Variants in RALYL observed in about 807,000 individuals in gnomAD.
RALYL encodes the protein RALY RNA binding protein like.
A neutral mutation model predicts 35.1 loss-of-function variants in RALYL; 29 were observed. That is an observed-to-expected ratio of 0.83 (90% CI 0.61 to 1.13). The LOEUF (loss-of-function observed/expected upper bound fraction) is 1.13, where lower values mean the gene tolerates loss of function less well. Among genes scored for constraint, RALYL ranks in the 50% most tolerant of loss-of-function variants. RALYL has a pLI of 0.00. For missense variants in RALYL, 359 were observed against 360.4 expected, an observed-to-expected ratio of 1.00 and a Z score of 0.03; for synonymous variants, 120 against 127.6, an observed-to-expected ratio of 0.94 and a Z score of 0.40.
chr8:84,766,451 T>C (rs1297766091), intron 2 of RALYL, among the ~76,000 whole-genome samples: 1 of 151,594 alleles, frequency 6.6e-6, no homozygotes, highest in Non-Finnish European at 1.5e-5. Context: ...CCTAGCACTT[T>C]GGGAGGCCAA....
At chr8:84,396,349 A>G (rs1286277471) in intron 1 of RALYL, among the ~76,000 whole-genome samples, 3 of 152,126 alleles carry the variant, frequency 2.0e-5, no homozygotes, top group African/African-American at 2.4e-5. Flanking sequence ...ATAGTTCTTA[A>G]AAGATCATCA....
intron 2 of RALYL, among the ~76,000 whole-genome samples, chr8:84,595,917 A>G (rs1814420343): frequency 6.6e-6 from 1 of 152,046 alleles, no homozygotes; most frequent in Non-Finnish European, 1.5e-5. Context: ...AAGCCCTTCC[A>G]GAGGGCAAGG....
chr8:84,527,574 T>C (rs189610512), intron 1 of RALYL, among the ~76,000 whole-genome samples: 175 of 152,306 alleles, frequency 1.1e-3, no homozygotes, highest in South Asian at 1.9e-3. Flanking sequence ...GTATTACTGG[T>C]GTTGGCTTGG....
intron 2 of RALYL, among the ~76,000 whole-genome samples, chr8:84,729,296 A>T (rs1845645973): frequency 1.3e-5 from 2 of 152,062 alleles, no homozygotes; most frequent in African/African-American, 4.8e-5. Context: ...GGTGTATAAG[A>T]ATGCTTGTGA....
At chr8:84,206,587 T>C (rs536505636) in intron 1 of RALYL, among the ~76,000 whole-genome samples, 1 of 152,260 alleles carries the variant, frequency 6.6e-6, no homozygotes, top group South Asian at 2.1e-4. Context: ...GAGGTGTCTC[T>C]AGAAACAGTA....
chr8:84,820,710 T>C (rs1408257346), intron 4 of RALYL, among the ~76,000 whole-genome samples: 1 of 152,074 alleles, frequency 6.6e-6, no homozygotes, highest in Non-Finnish European at 1.5e-5. Context: ...CCTTTCCCCT[T>C]GCCCCCTGAC....
intron 2 of RALYL, among the ~76,000 whole-genome samples, chr8:84,592,678 T>C (rs1401742256): frequency 6.6e-6 from 1 of 152,162 alleles, no homozygotes; most frequent in African/African-American, 2.4e-5. Flanking sequence ...CCCACAATAG[T>C]ACATGGAACA....
intron 2 of RALYL, among the ~76,000 whole-genome samples, chr8:84,640,366 C>G (rs1826046668): frequency 1.3e-5 from 2 of 151,898 alleles, no homozygotes; most frequent in Non-Finnish European, 2.9e-5. Context: ...GAAAAACCTG[C>G]AATGTGACTG....
intron 1 of RALYL, among the ~76,000 whole-genome samples, chr8:84,383,398 C>G (rs921260057): frequency 2.0e-5 from 3 of 151,466 alleles, no homozygotes; most frequent in African/African-American, 7.3e-5. Context: ...ACTTTCCTTT[C>G]CACATAAATG....
intron 2 of RALYL, among the ~76,000 whole-genome samples, chr8:84,764,570 G>A (rs1813461406): frequency 6.6e-6 from 1 of 152,110 alleles, no homozygotes; most frequent in Non-Finnish European, 1.5e-5. Flanking sequence ...TTTCCACTTT[G>A]ATTTGCCCTT....
At chr8:84,595,190 T>C (rs1298858301) in intron 2 of RALYL, among the ~76,000 whole-genome samples, 1 of 152,154 alleles carries the variant, frequency 6.6e-6, no homozygotes, top group East Asian at 1.9e-4. Flanking sequence ...TCTGCCATGA[T>C]GTCTTTTATT....
chr8:84,312,633 A>G (rs932758706), intron 1 of RALYL, among the ~76,000 whole-genome samples: 1 of 152,204 alleles, frequency 6.6e-6, no homozygotes, highest in African/African-American at 2.4e-5. Flanking sequence ...TAAAGCTCTG[A>G]AATGATCTCT....
intron 1 of RALYL, among the ~76,000 whole-genome samples, chr8:84,248,017 A>G (rs1022011441): frequency 6.6e-6 from 1 of 152,188 alleles, no homozygotes; most frequent in Non-Finnish European, 1.5e-5. Flanking sequence ...GCTTAAGTTT[A>G]CTAAACTAAT....
At chr8:84,392,683 T>C (rs1042839765) in intron 1 of RALYL, among the ~76,000 whole-genome samples, 2 of 152,040 alleles carry the variant, frequency 1.3e-5, no homozygotes, top group African/African-American at 4.8e-5. Context: ...ACTGTGATAG[T>C]GGTTACAGGA....
chr8:84,910,242 T>G (rs1847278587), intron 8 of RALYL, among the ~76,000 whole-genome samples: 1 of 152,144 alleles, frequency 6.6e-6, no homozygotes, highest in African/African-American at 2.4e-5. Flanking sequence ...ATGGCATGGT[T>G]CTATTTGTAC....
chr8:84,861,470 A>T (rs565059164), intron 5 of RALYL, among the ~76,000 whole-genome samples: 204 of 152,300 alleles, frequency 1.3e-3, no homozygotes, highest in Non-Finnish European at 2.6e-3. Context: ...ATGGAAATTA[A>T]TTGATTGTGG....
intron 2 of RALYL, among the ~76,000 whole-genome samples, chr8:84,550,938 T>A (rs999085218): frequency 2.6e-5 from 4 of 152,014 alleles, no homozygotes; most frequent in Non-Finnish European, 5.9e-5. Flanking sequence ...TCTATAACCA[T>A]TACCCAAGGT....
intron 1 of RALYL, among the ~76,000 whole-genome samples, chr8:84,213,118 T>C (rs10108228): frequency 0.27 from 41,343 of 152,102 alleles, 5,913 homozygotes; most frequent in African/African-American, 0.35. Flanking sequence ...CAGCTGGGCA[T>C]GGTGGCTCAT....
At chr8:84,489,347 T>TA (rs1452096504) in intron 1 of RALYL, among the ~76,000 whole-genome samples, 1 of 152,028 alleles carries the variant, frequency 6.6e-6, no homozygotes, top group East Asian at 1.9e-4. Context: ...TAACAAAAGT[T>TA]AAAATCAATA....
Sources: allele counts gnomAD v4.1 joint callset (sites outside exome capture counted in the v4.1 genomes callset), GRCh38; gene constraint gnomAD v4.1.1; transcripts MANE v1.5; gene names NCBI Gene and HGNC (gene_info 2026-07-23, HGNC 2026-07-21).